The following CLTB variants were observed in gnomAD, a reference collection of about 807,000 sequenced individuals.
CLTB encodes clathrin, light chain (Lcb).
CLTB carries 10 observed loss-of-function variants against 30.5 expected under a neutral mutation model. The ratio of observed to expected loss-of-function variants is 0.33; its 90% CI spans 0.20 to 0.56. The LOEUF (loss-of-function observed/expected upper bound fraction) is 0.56, where lower values mean the gene tolerates loss of function less well. CLTB is among the 20% of genes least tolerant of loss of function. CLTB has a pLI of 0.91. For synonymous variants in CLTB, 102 were observed against 120.3 expected (o/e 0.85, Z 1.00); for missense variants, 261 against 308.3 (o/e 0.85, Z 1.15).
intron 2 of CLTB, among the ~76,000 whole-genome samples, chr5:176,408,397 G>A (rs1007000844): frequency 2.0e-5 from 3 of 151,956 alleles, no homozygotes; most frequent in East Asian, 3.9e-4. Context: ...TTAGCTAGGC[G>A]TGGTGGCGGG....
chr5:176,403,922 G>A (rs779074293), intron 2 of CLTB, among the ~76,000 whole-genome samples: 1 of 151,702 alleles, frequency 6.6e-6, no homozygotes, highest in South Asian at 2.1e-4. Flanking sequence ...CACCACACCC[G>A]ACTAATGTTT....
chr5:176,395,684 C>T (rs1756487409), intron 5 of CLTB, among the ~76,000 whole-genome samples: 1 of 152,106 alleles, frequency 6.6e-6, no homozygotes, highest in African/African-American at 2.4e-5. Context: ...AGACCCCAAA[C>T]CTGAAACATG....
chr5:176,397,367 T>TCCCTCTCATGTCCCCACAGC (rs1756579219), intron 4 of CLTB, among the ~76,000 whole-genome samples: 1 of 37,280 alleles, frequency 2.7e-5, no homozygotes, highest in East Asian at 6.9e-4. Context: ...TCCCCACAGC[T>TCCCTCTCATGTCCCCACAGC]CCCTCTCATG....
rs1277451918 is a variant in CLTB, at chr5:176,393,411, G to A, written c.519-466C>T. On this transcript the variant is annotated intron_variant, in intron 5 of 5. Transcript: ENST00000310418. This position sits in a 1 kb window ranked among gnomAD's most constrained non-coding sequence, Gnocchi z 4.4. Reference sequence around the variant, plus strand: ...TAGGACACTGACTAACCATCTAACAGAAGCACCTAGTTCAGCATTGCCTGA... The same window carrying A: ...TAGGACACTGACTAACCATCTAACAAAAGCACCTAGTTCAGCATTGCCTGA... Among the ~76,000 whole-genome samples the A allele has an allele frequency of 6.6e-6, 1 of 152,196 alleles. No individual in the cohort carries two copies. Among genetic ancestry groups the A allele is most frequent in the Non-Finnish European group, 1.5e-5 (1 of 68,042 alleles).
chr5:176,400,318 A>T (rs1756757123), intron 2 of CLTB, among the ~76,000 whole-genome samples: 1 of 152,216 alleles, frequency 6.6e-6, no homozygotes, highest in African/African-American at 2.4e-5. Context: ...CTTGGTGTGG[A>T]GTGATGGCTC....
chr5:176,395,686 T>A (rs1756487974), intron 5 of CLTB, among the ~76,000 whole-genome samples: 1 of 151,996 alleles, frequency 6.6e-6, no homozygotes, highest in African/African-American at 2.4e-5. Context: ...ACCCCAAACC[T>A]GAAACATGTG....
At chr5:176,396,732 G>A (rs759050454) in intron 4 of CLTB, among the ~76,000 whole-genome samples, 200 bp from the exon 5 acceptor site, 1 of 152,036 alleles carries the variant, frequency 6.6e-6, no homozygotes, top group Non-Finnish European at 1.5e-5. Flanking sequence ...CCTGGCCCCA[G>A]CACCTTCTCT....
At chr5:176,396,185 A>G (rs1756513537) in intron 5 of CLTB, among the ~76,000 whole-genome samples, 1 of 152,092 alleles carries the variant, frequency 6.6e-6, no homozygotes, top group Admixed American at 6.5e-5. Context: ...GACATCACAG[A>G]GGGAGGGAGT....
Position 176,392,906 on chromosome 5 carries a change from C to G in CLTB, c.558G>C (p.Glu186Asp), listed in dbSNP as rs142767109. 1.9e-6 allele frequency: 3 copies of G among 1,614,102 alleles called. No individual in the cohort carries two copies. In the African/African-American group the frequency reaches 4.0e-5, roughly 22 times the overall value. ...CCTTCTCCCACTCTGTGCCTGGGGT[C>G]TCCTCCTTGGATTCCTTCACGAAAG... ...EEAFVKESKE[E>D]TPGTEWEKVA... Residue 186 changes from glutamate (E) to aspartate (D), a missense_variant, in exon 6 of 6, where the codon GAG becomes GAC. Physicochemically the swap from Glu to Asp is conservative, Grantham distance 45. This residue lies in a region of CLTB where 123 missense variants were observed against 157.0 expected (regional missense o/e 0.78). Coordinates refer to ENST00000310418, the MANE Select transcript of CLTB (RefSeq NM_007097.5). This position sits in a 1 kb window ranked among gnomAD's most constrained non-coding sequence, Gnocchi z 5.2.
At chr5:176,408,676 T>C (rs78163103) in intron 2 of CLTB, among the ~76,000 whole-genome samples, 6,001 of 152,272 alleles carry the variant, frequency 0.039, 171 homozygotes, top group African/African-American at 0.076. Flanking sequence ...GCACACACTA[T>C]TGCCCCAGCT....
In CLTB at chr5:176,406,584, C is replaced by T. The variant is rs963428014; in HGVS notation, c.234+3673G>A. 3.9e-6 allele frequency: 5 copies of T among 1,289,060 alleles called. No individual in the cohort carries two copies. The African/African-American group carries it at 4.6e-5, about 12-fold the overall frequency. The allele number at this position is 1,289,060 out of a possible 1,614,324, so 79.9% of individuals were successfully genotyped here. Reference sequence around the variant, plus strand: ...CTGTGCAGAGGTGGGGAGGCGGAGTCCTGCAGGGCCCTTCTGTCCCTGCCC... The same window carrying T: ...CTGTGCAGAGGTGGGGAGGCGGAGTTCTGCAGGGCCCTTCTGTCCCTGCCC... On this transcript the variant is annotated intron_variant, in intron 2 of 5. Transcript: ENST00000310418.
intron 2 of CLTB, 115 bp from the exon 3 acceptor site, chr5:176,398,162 C>T (rs1756643317): frequency 5.9e-6 from 5 of 842,936 alleles, no homozygotes; most frequent in South Asian, 1.5e-5. Flanking sequence ...CAACCTCATA[C>T]CCACTGTCTC....
intron 2 of CLTB, chr5:176,406,513 A>G: frequency 1.6e-6 from 2 of 1,239,884 alleles, no homozygotes; most frequent in Non-Finnish European, 2.1e-6. Flanking sequence ...TCCTCTAAGA[A>G]GCTAAAAGGA....
At chr5:176,404,981 C>T (rs1055316604) in intron 2 of CLTB, among the ~76,000 whole-genome samples, 22 of 152,318 alleles carry the variant, frequency 1.4e-4, no homozygotes, top group Non-Finnish European at 2.5e-4. Flanking sequence ...ACAACTCGAG[C>T]GAGCTGTTAA....
At chr5:176,397,338 C>T (rs1275029664) in intron 4 of CLTB, among the ~76,000 whole-genome samples, 48 of 145,850 alleles carry the variant, frequency 3.3e-4, no homozygotes, top group Non-Finnish European at 1.4e-4. Context: ...CCTCTCATGT[C>T]CCCACAGCCC....
chr5:176,392,911 C>G lies in CLTB; in HGVS notation c.553G>C (p.Glu185Gln). Residue 185 changes from glutamate (E) to glutamine (Q), a missense_variant, in exon 6 of 6, where the codon GAG becomes CAG. By Grantham distance (29) the Glu-to-Gln change is conservative. This residue lies in a region of CLTB where 123 missense variants were observed against 157.0 expected (regional missense o/e 0.78). Transcript: ENST00000310418. This position sits in a 1 kb window ranked among gnomAD's most constrained non-coding sequence, Gnocchi z 5.2. ...TCCCACTCTGTGCCTGGGGTCTCCTCCTTGGATTCCTTCACGAAAGCCTCC... is the reference window on the plus strand; with the variant it reads ...TCCCACTCTGTGCCTGGGGTCTCCTGCTTGGATTCCTTCACGAAAGCCTCC... ...SEEAFVKESK[E>Q]ETPGTEWEKV... The G allele has an allele frequency of 6.2e-7, 1 of 1,614,184 alleles. No homozygotes were observed. Among genetic ancestry groups the G allele is most frequent in the East Asian group, 2.2e-5 (1 of 44,880 alleles).
chr5:176,408,834 T>G (rs1024299949), intron 2 of CLTB, among the ~76,000 whole-genome samples: 22 of 152,228 alleles, frequency 1.4e-4, no homozygotes, highest in African/African-American at 5.1e-4. Context: ...TTTCCTCGTT[T>G]TTTGCAGGAT....
intron 1 of CLTB, among the ~76,000 whole-genome samples, chr5:176,415,494 G>A (rs1757648155): frequency 6.6e-6 from 1 of 152,102 alleles, no homozygotes; most frequent in African/African-American, 2.4e-5. Flanking sequence ...ACCAGTCTGG[G>A]CAACATAGCG....
In CLTB at chr5:176,392,690, G is replaced by A; in HGVS notation, c.*84C>T. 6.7e-7 allele frequency: 1 copy of A among 1,488,632 alleles called. No homozygotes were observed. Among genetic ancestry groups the A allele is most frequent in the Non-Finnish European group, 9.2e-7 (1 of 1,082,536 alleles). The allele number at this position is 1,488,632 out of a possible 1,614,324, so 92.2% of individuals were successfully genotyped here. On this transcript the variant is annotated 3_prime_UTR_variant, in exon 6 of 6. Coordinates refer to ENST00000310418, the MANE Select transcript of CLTB (RefSeq NM_007097.5). The surrounding 1 kb of genome is among the most constrained non-coding windows in gnomAD (Gnocchi z 5.2). ...GAATAGGCTGTGGGTAGCAGCTGCT[G>A]CGAGTCTCCACCCCGACCAAAGCAG...
Sources: allele counts gnomAD v4.1 joint callset (sites outside exome capture counted in the v4.1 genomes callset), GRCh38; gene constraint gnomAD v4.1.1; regional missense constraint gnomAD v4.1.1; non-coding constraint Gnocchi (gnomAD v3.1); transcripts MANE v1.5; gene names NCBI Gene and HGNC (gene_info 2026-07-23, HGNC 2026-07-21).